Variants in CCL15 observed in about 807,000 individuals in gnomAD.
CCL15 encodes the protein C-C motif chemokine ligand 15, also known as C-C motif chemokine 15.
A neutral mutation model predicts 10.6 loss-of-function variants in CCL15; 8 were observed. The observed-to-expected ratio is 0.75, with a 90% CI of 0.44 to 1.36. CCL15 has a LOEUF of 1.36. Among genes scored for constraint, CCL15 ranks in the 40% most tolerant of loss-of-function variants. The probability of loss-of-function intolerance (pLI) is 0.00; values close to 1 mark genes in which losing one functional copy is unlikely to be tolerated. For missense variants in CCL15, 128 were observed against 136.6 expected (o/e 0.94, Z 0.32); for synonymous variants, 51 against 48.8 (o/e 1.04, Z -0.19).
intron 3 of CCL15, 42 bp from the exon 4 acceptor site, chr17:35,997,902 G>C: frequency 1.3e-6 from 2 of 1,497,508 alleles, no homozygotes; most frequent in African/African-American, 1.4e-5. Flanking sequence ...TGAGGTGTGG[G>C]CAGATGGAGA....
intron 1 of CCL15, 55 bp from the exon 2 acceptor site, chr17:35,998,980 C>T: frequency 7.2e-7 from 1 of 1,379,414 alleles, no homozygotes; most frequent in South Asian, 1.2e-5. Context: ...TATGTTTCAA[C>T]ATCTCCACCC....
At chr17:36,000,734 A>C (rs1045682593) in intron 1 of CCL15, among the ~76,000 whole-genome samples, 1 of 151,790 alleles carries the variant, frequency 6.6e-6, no homozygotes, top group Admixed American at 6.6e-5. Flanking sequence ...ACCCAGCCCT[A>C]AAGTGTATGC....
At position 35,998,972 on chromosome 17, in the gene CCL15, T is replaced by C. The variant is rs1271985302; in HGVS notation, c.77-47A>G. The C allele has an allele frequency of 2.0e-6, 3 of 1,475,806 alleles. No individual in the cohort carries two copies. The Admixed American group carries it at 5.0e-5, about 25-fold the overall frequency. 91.4% of individuals were successfully genotyped at this position (1,475,806 alleles called of 1,614,324 possible). A position where few individuals can be genotyped will look rare whatever the true frequency, so the allele number is the denominator to read the frequency against. On this transcript the variant is annotated intron_variant, in intron 1 of 3. Transcript: ENST00000617897. ...AGGAAATCACTGGGTGGCAGCAGTA[T>C]GTTTCAACATCTCCACCCACCCCAT...
chr17:35,998,837 T>C (rs771308054), intron 2 of CCL15, 29 bp downstream of exon 2: 1 of 1,591,398 alleles, frequency 6.3e-7, no homozygotes, highest in East Asian at 2.2e-5. Context: ...CTGGCTGCTT[T>C]TAAATGTATG....
In CCL15 at chr17:35,997,866, G is replaced by A; in HGVS notation, c.249-6C>T. The A allele has an allele frequency of 4.3e-6, 7 of 1,609,490 alleles. No individual in the cohort carries two copies. Among genetic ancestry groups the A allele is most frequent in the Non-Finnish European group, 6.0e-6 (7 of 1,175,902 alleles). Reference sequence around the variant, plus strand: ...GCCCCTTCTTGGTGAGGAATCTGGGGAACAAGGGAGAGAAAGATTACAAAC... The same window carrying A: ...GCCCCTTCTTGGTGAGGAATCTGGGAAACAAGGGAGAGAAAGATTACAAAC... On this transcript the variant is annotated splice_polypyrimidine_tract_variant and splice_region_variant and intron_variant, in intron 3 of 3. Transcript: ENST00000617897.
chr17:35,999,161 C>T (rs978169935), intron 1 of CCL15, among the ~76,000 whole-genome samples: 5 of 152,150 alleles, frequency 3.3e-5, no homozygotes, highest in Admixed American at 1.3e-4. Context: ...CTCTGAAATA[C>T]TAAAAGCAAC....
At chr17:35,998,813 C>T in intron 2 of CCL15, 53 bp downstream of exon 2, 5 of 1,365,012 alleles carry the variant, frequency 3.7e-6, no homozygotes, top group Non-Finnish European at 3.1e-6. Context: ...TCCCATAGTG[C>T]AGACCTGCAC....
chr17:35,999,750 C>G (rs1402930132), intron 1 of CCL15, among the ~76,000 whole-genome samples: 1 of 152,118 alleles, frequency 6.6e-6, no homozygotes, highest in Non-Finnish European at 1.5e-5. Flanking sequence ...AGGTGAGCCA[C>G]CATGCCTAGC....
intron 1 of CCL15, among the ~76,000 whole-genome samples, chr17:36,000,579 C>T (rs2089982418): frequency 6.6e-6 from 1 of 151,952 alleles, no homozygotes. Flanking sequence ...ATCAAAAAAT[C>T]CTGAGCCCAT....
At position 36,001,473 on chromosome 17, in the gene CCL15, G is replaced by A; in HGVS notation, c.20C>T (p.Ala7Val). 2.5e-6 allele frequency: 4 copies of A among 1,613,880 alleles called. No individual in the cohort carries two copies. Among genetic ancestry groups the A allele is most frequent in the Non-Finnish European group, 3.4e-6 (4 of 1,180,008 alleles). MKVSVAALSCLMLVAVL... is the reference protein window; with the variant it reads MKVSVAVLSCLMLVAVL... ...AGCAACAAGCATGAGGCAGGAGAGG[G>A]CAGCCACGGAGACCTTCATCCTCCT... The change falls in exon 1 of 4, where the codon GCC (alanine) becomes GTC (valine). Residue 7 changes from alanine to valine, a missense_variant. Physicochemically the swap from Ala to Val is moderately conservative, Grantham distance 64. Transcript: ENST00000617897.
At chr17:36,001,290 C>G in intron 1 of CCL15, 127 bp downstream of exon 1, 1 of 1,257,474 alleles carries the variant, frequency 8.0e-7, no homozygotes, top group South Asian at 1.4e-5. Flanking sequence ...AGGTCTATAC[C>G]CTGCTGGTGC....
chr17:36,001,318 T>A, intron 1 of CCL15, 99 bp downstream of exon 1: 2 of 1,478,110 alleles, frequency 1.4e-6, no homozygotes, highest in South Asian at 2.4e-5. Context: ...ATAAGTTCCA[T>A]AACCATGTCT....
intron 3 of CCL15, 75 bp from the exon 4 acceptor site, chr17:35,997,935 T>A (rs2089936291): frequency 1.1e-6 from 1 of 933,300 alleles, no homozygotes; most frequent in East Asian, 2.5e-5. Flanking sequence ...TCCTCCCTGC[T>A]CCTCAGATTT....
At chr17:35,998,217 C>G in intron 3 of CCL15, 63 bp downstream of exon 3, 1 of 1,107,084 alleles carries the variant, frequency 9.0e-7, no homozygotes, top group Non-Finnish European at 1.4e-6. Flanking sequence ...CCGTCGTGTC[C>G]TCCCTGCAAG....
intron 3 of CCL15, 40 bp from the exon 4 acceptor site, chr17:35,997,900 G>A (rs755218026): frequency 6.6e-7 from 1 of 1,511,006 alleles, no homozygotes; most frequent in South Asian, 1.1e-5. Flanking sequence ...ACTGAGGTGT[G>A]GGCAGATGGA....
At position 35,998,452 on chromosome 17, in the gene CCL15, G is replaced by T. The variant is rs566887441; in HGVS notation, c.137-61C>A. On this transcript the variant is annotated intron_variant, in intron 2 of 3. Coordinates refer to ENST00000617897, the MANE Select transcript of CCL15 (RefSeq NM_032965.6). ...TTTCTCCTCGAAAGCACAGTGGAGG[G>T]TGAGAAGGCACAAGCCTCTGAAGAC... is the stretch of plus-strand genomic sequence containing the variant. The T allele has an allele frequency of 5.3e-6, 6 of 1,140,780 alleles. No individual in the cohort carries two copies. In the East Asian group the frequency reaches 9.7e-5, roughly 18 times the overall value. The allele number at this position is 1,140,780 out of a possible 1,614,324, so 70.7% of individuals were successfully genotyped here.
intron 1 of CCL15, among the ~76,000 whole-genome samples, chr17:36,000,437 T>C (rs1476857787): frequency 8.2e-6 from 1 of 121,892 alleles, no homozygotes; most frequent in African/African-American, 3.3e-5. Context: ...CACTCCAGCC[T>C]GGGAGACAGA....
At position 35,998,970 on chromosome 17, in the gene CCL15, T is replaced by C. The variant is rs768903086; in HGVS notation, c.77-45A>G. The C allele has an allele frequency of 7.2e-6, 11 of 1,536,574 alleles. No homozygotes were observed. In the East Asian group the frequency reaches 2.5e-4, roughly 35 times the overall value. On this transcript the variant is annotated intron_variant, in intron 1 of 3. Coordinates refer to ENST00000617897, the MANE Select transcript of CCL15 (RefSeq NM_032965.6). ...GAAGGAAATCACTGGGTGGCAGCAG[T>C]ATGTTTCAACATCTCCACCCACCCC...
chr17:35,999,128 T>G (rs1391074897), intron 1 of CCL15, among the ~76,000 whole-genome samples: 1 of 152,224 alleles, frequency 6.6e-6, no homozygotes, highest in East Asian at 1.9e-4. Context: ...TTTGAAAATG[T>G]AGACATGAAA....
Sources: gnomAD v4.1 joint callset for allele counts (sites outside exome capture counted in the v4.1 genomes callset) on GRCh38, gnomAD v4.1.1 for gene constraint, MANE v1.5 for transcripts, NCBI Gene and HGNC (gene_info 2026-07-23, HGNC 2026-07-21) for gene names.